The following ZFHX3 variants were observed in gnomAD, a reference collection of about 807,000 sequenced individuals.
ZFHX3 encodes zinc finger homeobox protein 3.
Under a neutral mutation model 279.1 loss-of-function variants are expected in ZFHX3, and 42 were observed. The observed-to-expected ratio is 0.15, with a 90% CI of 0.12 to 0.19. The LOEUF (loss-of-function observed/expected upper bound fraction) is 0.19. Among genes scored for constraint, ZFHX3 ranks in the 10% least tolerant of loss-of-function variants. The pLI is 1.00. For synonymous variants in ZFHX3, 2,293 were observed against 1,957.8 expected, an observed-to-expected ratio of 1.17 and a Z score of -4.52; for missense variants, 4,981 against 4,754.0, an observed-to-expected ratio of 1.05 and a Z score of -1.40.
intron 4 of ZFHX3, among the ~76,000 whole-genome samples, chr16:72,875,429 C>T (rs572741088): frequency 1.4e-4 from 21 of 152,294 alleles, no homozygotes; most frequent in Admixed American, 7.2e-4. Flanking sequence ...CCAGATGCCC[C>T]GGGAATCCCT....
At chr16:73,637,947 A>G (rs1213862663) in intron 2 of ZFHX3, among the ~76,000 whole-genome samples, 2 of 152,224 alleles carry the variant, frequency 1.3e-5, no homozygotes, top group Non-Finnish European at 2.9e-5. Context: ...TGGTAAATAA[A>G]GGCTTGAAAA....
chr16:73,155,519 A>G (rs967237880), intron 5 of ZFHX3, among the ~76,000 whole-genome samples: 1 of 152,212 alleles, frequency 6.6e-6, no homozygotes, highest in African/African-American at 2.4e-5. Flanking sequence ...TAATGACACA[A>G]TGATATAATA....
intron 5 of ZFHX3, among the ~76,000 whole-genome samples, chr16:73,163,702 G>C (rs980311341): frequency 1.3e-5 from 2 of 152,310 alleles, no homozygotes; most frequent in African/African-American, 4.8e-5. Flanking sequence ...GTGTATGTGA[G>C]GGGGTAGCTT....
chr16:72,902,902 A>G (rs2039076293), intron 3 of ZFHX3, among the ~76,000 whole-genome samples: 1 of 152,166 alleles, frequency 6.6e-6, no homozygotes, highest in Non-Finnish European at 1.5e-5. Flanking sequence ...GTTGGACAGG[A>G]ACAAAAACCG....
At chr16:73,459,146 G>T (rs2143576947) in intron 2 of ZFHX3, among the ~76,000 whole-genome samples, 1 of 152,356 alleles carries the variant, frequency 6.6e-6, no homozygotes, top group African/African-American at 2.4e-5. Flanking sequence ...AAATGGAAAA[G>T]CTCATGGAGT....
chr16:73,890,708 G>C (rs192730614), intron 1 of ZFHX3, among the ~76,000 whole-genome samples: 4 of 152,022 alleles, frequency 2.6e-5, no homozygotes, highest in Admixed American at 2.6e-4. Flanking sequence ...ACGTTACATC[G>C]TCCTATTTAA....
At chr16:73,597,660 C>T (rs570949911) in intron 2 of ZFHX3, among the ~76,000 whole-genome samples, 1 of 152,182 alleles carries the variant, frequency 6.6e-6, no homozygotes, top group Non-Finnish European at 1.5e-5. Flanking sequence ...CCAAGGATGG[C>T]CAAGGACTGC....
chr16:72,798,089 G>C lies in ZFHX3; in HGVS notation c.4593C>G (p.Pro1531=). The stretch of plus-strand genomic sequence containing the variant: ...CTAGGAACTTTTCCATAGTAAAATT[G>C]GGACCTTTTCTGAAAGGCAGAGCTC... ...PKRALPFRKG[P]NFTMEKFLDP... is the part of the protein sequence containing the mutation. The change falls in exon 9 of 10, where the codon CCC becomes CCG. Residue 1531 remains proline, a synonymous_variant. Transcript: ENST00000268489. The C allele has an allele frequency of 6.2e-7, 1 of 1,614,210 alleles. No individual in the cohort carries two copies. Among genetic ancestry groups the C allele is most frequent in the Middle Eastern group, 1.6e-4 (1 of 6,062 alleles).
intron 5 of ZFHX3, among the ~76,000 whole-genome samples, chr16:73,166,590 C>A (rs1174137440): frequency 6.6e-6 from 1 of 152,062 alleles, no homozygotes; most frequent in Non-Finnish European, 1.5e-5. Flanking sequence ...GGGAGAGAGG[C>A]AGGGAGGGGG....
rs550236440 is a variant in ZFHX3 at position 73,464,168 on chromosome 16, G to C, written c.-1546-7910C>G. On this transcript the variant is annotated intron_variant, in intron 2 of 17. Transcript: ENST00000641206. ...TTGTAAACAGTCCTGAAGAATTAAAGGGAGAGAGAAAGGGAATGAGTAAGT... is the reference window on the plus strand; with the variant it reads ...TTGTAAACAGTCCTGAAGAATTAAACGGAGAGAGAAAGGGAATGAGTAAGT... 4.6e-5 allele frequency among the ~76,000 whole-genome samples: 7 copies of C among 152,106 alleles called. No individual in the cohort carries two copies. The South Asian group carries it at 1.5e-3, about 32-fold the overall frequency.
chr16:73,822,545 A>C (rs1960777896), intron 1 of ZFHX3, among the ~76,000 whole-genome samples: 1 of 152,138 alleles, frequency 6.6e-6, no homozygotes, highest in Non-Finnish European at 1.5e-5. Context: ...AACCTAAAGA[A>C]CACTATAATG....
chr16:73,159,181 C>T (rs545430453), intron 5 of ZFHX3, among the ~76,000 whole-genome samples: 1 of 152,330 alleles, frequency 6.6e-6, no homozygotes, highest in South Asian at 2.1e-4. Context: ...AACTGTGCAT[C>T]TGACAAAGAT....
At chr16:73,781,772 A>G (rs770556973) in intron 1 of ZFHX3, among the ~76,000 whole-genome samples, 3 of 152,140 alleles carry the variant, frequency 2.0e-5, no homozygotes, top group Non-Finnish European at 4.4e-5. Context: ...GCGAATCACG[A>G]GGTCAGGAGT....
chr16:72,812,546 A>G (rs2143602871), intron 5 of ZFHX3, among the ~76,000 whole-genome samples: 1 of 152,368 alleles, frequency 6.6e-6, no homozygotes, highest in Admixed American at 6.5e-5. Flanking sequence ...GATTTGAGAA[A>G]GGTTCACATG....
chr16:73,367,927 G>T (rs1187185969), intron 3 of ZFHX3, among the ~76,000 whole-genome samples: 1 of 149,190 alleles, frequency 6.7e-6, no homozygotes, highest in African/African-American at 2.5e-5. Context: ...GGAGTGCAGT[G>T]GCATGGTCTC....
intron 7 of ZFHX3, chr16:73,130,828 G>A (rs983893686): frequency 1.8e-5 from 10 of 544,640 alleles, no homozygotes; most frequent in South Asian, 5.4e-5. Flanking sequence ...GGCTGGTCTC[G>A]AACTCCTGAC....
chr16:73,390,866 C>G (rs919307431), intron 3 of ZFHX3, among the ~76,000 whole-genome samples: 1 of 151,940 alleles, frequency 6.6e-6, no homozygotes, highest in Non-Finnish European at 1.5e-5. Context: ...CATTAAACAA[C>G]CCCCCCAAAA....
At chr16:73,757,851 G>T (rs1012950757) in intron 1 of ZFHX3, among the ~76,000 whole-genome samples, 6 of 152,154 alleles carry the variant, frequency 3.9e-5, no homozygotes, top group Non-Finnish European at 7.3e-5. Flanking sequence ...AGGAAACCTT[G>T]ATGCCATTCT....
intron 3 of ZFHX3, among the ~76,000 whole-genome samples, chr16:72,902,341 G>A (rs576872897): frequency 6.6e-6 from 1 of 152,242 alleles, no homozygotes; most frequent in East Asian, 1.9e-4. Flanking sequence ...CCAAACACAG[G>A]CTCCCAATCA....
Sources: gnomAD v4.1 joint callset for allele counts (sites outside exome capture counted in the v4.1 genomes callset) on GRCh38, gnomAD v4.1.1 for gene constraint, MANE v1.5 for transcripts, NCBI Gene and HGNC (gene_info 2026-07-23, HGNC 2026-07-21) for gene names.